Variants in PRSS16 observed in about 807,000 individuals in gnomAD.
The protein encoded by PRSS16 is thymus-specific serine protease.
Under a neutral mutation model 61.7 loss-of-function variants are expected in PRSS16, and 43 were observed. The observed-to-expected ratio is 0.70, with a 90% CI of 0.55 to 0.90. The LOEUF (loss-of-function observed/expected upper bound fraction) is 0.90, where lower values mean the gene tolerates loss of function less well. Among genes scored for constraint, PRSS16 ranks in the 40% least tolerant of loss-of-function variants. The pLI is 0.00. For synonymous variants in PRSS16, 273 were observed against 285.2 expected, an observed-to-expected ratio of 0.96 and a Z score of 0.43; for missense variants, 591 against 659.1, an observed-to-expected ratio of 0.90 and a Z score of 1.13.
chr6:27,249,452 T>A (rs1410337307), intron 4 of PRSS16, among the ~76,000 whole-genome samples: 1 of 152,178 alleles, frequency 6.6e-6, no homozygotes. Context: ...TTCTTTCTAT[T>A]TCTGCGTCTC....
At chr6:27,250,317 A>T (rs1455064794) in intron 4 of PRSS16, among the ~76,000 whole-genome samples, 1 of 152,160 alleles carries the variant, frequency 6.6e-6, no homozygotes, top group Non-Finnish European at 1.5e-5. Flanking sequence ...GCAACTCATC[A>T]GGTTAGGACC....
rs1263660106 is a variant in PRSS16 at position 27,251,627 on chromosome 6, A to G, written c.718-123A>G. 48 of 1,095,584 alleles carry G rather than the reference A, an allele frequency of 4.4e-5. No individual in the cohort carries two copies. The highest frequency in any genetic ancestry group is 5.5e-5 in the Non-Finnish European group (44 of 803,638). The allele number at this position is 1,095,584 out of a possible 1,614,324, so 67.9% of individuals were successfully genotyped here. A position where few individuals can be genotyped will look rare whatever the true frequency, so the allele number is the denominator to read the frequency against. ...GGGGCGGGGGCCTGGGCCAAGAGCT[A>G]GGTCTGCACCCTCTGAGTCCCGCTA... On this transcript the variant is annotated intron_variant, in intron 7 of 11. Coordinates refer to ENST00000230582, the MANE Select transcript of PRSS16 (RefSeq NM_005865.4). This position sits in a 1 kb window ranked among gnomAD's most constrained non-coding sequence, Gnocchi z 5.6.
At chr6:27,254,534 G>C in intron 9 of PRSS16, 159 bp from the exon 10 acceptor site, 1 of 703,460 alleles carries the variant, frequency 1.4e-6, no homozygotes, top group Non-Finnish European at 2.4e-6. Context: ...GGCTATCACT[G>C]TCAGGGGACT....
chr6:27,248,329 C>T (rs1196870831), intron 2 of PRSS16, among the ~76,000 whole-genome samples: 1 of 151,948 alleles, frequency 6.6e-6, no homozygotes, highest in Non-Finnish European at 1.5e-5. Flanking sequence ...CCTCCCTACC[C>T]CCTTGTCCCT....
Position 27,251,393 on chromosome 6 carries a change from A to G in PRSS16, c.717+129A>G. On this transcript the variant is annotated intron_variant, in intron 7 of 11. Coordinates refer to ENST00000230582, the MANE Select transcript of PRSS16 (RefSeq NM_005865.4). This position sits in a 1 kb window ranked among gnomAD's most constrained non-coding sequence, Gnocchi z 5.6. ...TCTAAGGAAGGTCGGAGCTCGGGGG[A>G]ATACGCAGGTTTTGGAAGAAGGCGG... 1 of 1,205,402 alleles carries G rather than the reference A, an allele frequency of 8.3e-7. No homozygotes were observed. Among genetic ancestry groups the G allele is most frequent in the Non-Finnish European group, 1.1e-6 (1 of 885,398 alleles). 74.7% of individuals were successfully genotyped at this position (1,205,402 alleles called of 1,614,324 possible). A position where few individuals can be genotyped will look rare whatever the true frequency, so the allele number is the denominator to read the frequency against.
intron 9 of PRSS16, 50 bp from the exon 10 acceptor site, chr6:27,254,643 G>T (rs770814425): frequency 6.8e-7 from 1 of 1,476,600 alleles, no homozygotes. Flanking sequence ...TATTGAAGGA[G>T]AGTGGTGGGC....
chr6:27,254,775 T>C lies in PRSS16; in HGVS notation c.1233T>C (p.Phe411=). Residue 411 remains phenylalanine, a synonymous_variant, in exon 10 of 12, where the codon TTT becomes TTC. Coordinates refer to ENST00000230582, the MANE Select transcript of PRSS16 (RefSeq NM_005865.4). ...AGCTAGACCTATGTGAGCAGGTGTT[T>C]GGGCTCTCAGCCTTGTCAGTAGCCC... ...PSQLDLCEQV[F]GLSALSVAQA... 6.2e-7 allele frequency: 1 copy of C among 1,614,184 alleles called. No homozygotes were observed. The highest frequency in any genetic ancestry group is 8.5e-7 in the Non-Finnish European group (1 of 1,180,002).
At chr6:27,249,000 G>T in intron 3 of PRSS16, 54 bp downstream of exon 3, 3 of 1,543,406 alleles carry the variant, frequency 1.9e-6, no homozygotes, top group Non-Finnish European at 1.8e-6. Context: ...GACCAGGAAG[G>T]GGAGCTGCAT....
chr6:27,252,967 C>T lies in PRSS16; in HGVS notation c.1150+18C>T. 1 of 1,614,060 alleles carries T rather than the reference C, an allele frequency of 6.2e-7. No homozygotes were observed. Among genetic ancestry groups the T allele is most frequent in the Non-Finnish European group, 8.5e-7 (1 of 1,179,996 alleles). On this transcript the variant is annotated intron_variant, in intron 9 of 11. Coordinates refer to ENST00000230582, the MANE Select transcript of PRSS16 (RefSeq NM_005865.4). The surrounding 1 kb of genome is among the most constrained non-coding windows in gnomAD (Gnocchi z 4.2). Reference sequence around the variant, plus strand: ...CGGCTTCTGTAAGTGACTGGCCTAACCCTAACTTTGTCCCCTCAAACAACC... The same window carrying T: ...CGGCTTCTGTAAGTGACTGGCCTAATCCTAACTTTGTCCCCTCAAACAACC...
Position 27,251,221 on chromosome 6 carries a change from T to A in PRSS16, c.674T>A (p.Val225Glu), listed in dbSNP as rs1434357420. 3 of 1,612,600 alleles carry A rather than the reference T, an allele frequency of 1.9e-6. No homozygotes were observed. The highest frequency in any genetic ancestry group is 2.5e-6 in the Non-Finnish European group (3 of 1,179,166). Residue 225 changes from valine (V) to glutamate (E), a missense_variant, in exon 7 of 12, where the codon GTA becomes GAA. Val to Glu is a moderately radical substitution (Grantham distance 121). Coordinates refer to ENST00000230582, the MANE Select transcript of PRSS16 (RefSeq NM_005865.4). The surrounding 1 kb of genome is among the most constrained non-coding windows in gnomAD (Gnocchi z 5.6). The stretch of plus-strand genomic sequence containing the variant: ...TCCTCTGCGGTCCGCCCACAGGTGG[T>A]ATCCCGAAGCCTAATGAGCACCGCG... The part of the protein sequence containing the change: ...VLDFSEYNDV[V>E]SRSLMSTAIG...
Position 27,251,950 on chromosome 6 carries a change from A to C in PRSS16, c.918A>C (p.Leu306=), listed in dbSNP as rs1400114047. Residue 306 remains leucine (L), a synonymous_variant, in exon 8 of 12, where the codon CTA becomes CTC. Coordinates refer to ENST00000230582, the MANE Select transcript of PRSS16 (RefSeq NM_005865.4). This position sits in a 1 kb window ranked among gnomAD's most constrained non-coding sequence, Gnocchi z 5.6. ...ATGATGGGCAGACGGGAGCGCCGCTAAGCGTGCGACAGCTCTGCGGACTTC... is the reference window on the plus strand; with the variant it reads ...ATGATGGGCAGACGGGAGCGCCGCTCAGCGTGCGACAGCTCTGCGGACTTC... The part of the protein sequence containing the change: ...VQYDGQTGAP[L]SVRQLCGLLL... 1 of 1,609,340 alleles carries C rather than the reference A, an allele frequency of 6.2e-7. No individual in the cohort carries two copies. Among genetic ancestry groups the C allele is most frequent in the Non-Finnish European group, 8.5e-7 (1 of 1,178,590 alleles).
At position 27,250,818 on chromosome 6, in the gene PRSS16, C is replaced by T; in HGVS notation, c.591+12C>T. On this transcript the variant is annotated intron_variant, in intron 5 of 11. Coordinates refer to ENST00000230582, the MANE Select transcript of PRSS16 (RefSeq NM_005865.4). Reference sequence around the variant, plus strand: ...GGGCCCGGCTGAAGGTCCTGCGACTCCTCCGGGTGGGCTGGGGGGAGGGAA... The same window carrying T: ...GGGCCCGGCTGAAGGTCCTGCGACTTCTCCGGGTGGGCTGGGGGGAGGGAA... 6.2e-7 allele frequency: 1 copy of T among 1,601,160 alleles called. No homozygotes were observed. Among genetic ancestry groups the T allele is most frequent in the Non-Finnish European group, 8.5e-7 (1 of 1,174,452 alleles).
In PRSS16 at chr6:27,251,809, G is replaced by C. The variant is rs766157367; in HGVS notation, c.777G>C (p.Gly259=). 14 of 1,610,268 alleles carry C rather than the reference G, an allele frequency of 8.7e-6. No individual in the cohort carries two copies. Among genetic ancestry groups the C allele is most frequent in the Non-Finnish European group, 1.2e-5 (14 of 1,179,336 alleles). ...TGGAGCGGCGGCTGCGCTCGGGTGG[G>C]GCGGCTCAAGCAGCATTGCGGACGG... is the stretch of plus-strand genomic sequence containing the variant. The part of the protein sequence containing the change: ...AEVERRLRSG[G]AAQAALRTEL... The change falls in exon 8 of 12, where the codon GGG becomes GGC. Residue 259 remains glycine (G), a synonymous_variant. Coordinates refer to ENST00000230582, the MANE Select transcript of PRSS16 (RefSeq NM_005865.4). This position sits in a 1 kb window ranked among gnomAD's most constrained non-coding sequence, Gnocchi z 5.6.
In PRSS16 at chr6:27,251,676, G is replaced by A; in HGVS notation, c.718-74G>A. 6.6e-6 allele frequency: 10 copies of A among 1,511,750 alleles called. No homozygotes were observed. Among genetic ancestry groups the A allele is most frequent in the Non-Finnish European group, 7.9e-6 (9 of 1,140,820 alleles). The allele number at this position is 1,511,750 out of a possible 1,614,324, so 93.6% of individuals were successfully genotyped here. On this transcript the variant is annotated intron_variant, in intron 7 of 11. Transcript: ENST00000230582. This position sits in a 1 kb window ranked among gnomAD's most constrained non-coding sequence, Gnocchi z 5.6. ...TAGGGGAAAGTGGGGAACCCAAGGA[G>A]GACGCAGGTCCTGGGTAGGGAAAGC...
chr6:27,251,579 A>G lies in PRSS16; in HGVS notation c.718-171A>G, dbSNP rs1217877591. Reference sequence around the variant, plus strand: ...GACCCGAGAAGGAGGGCTGCGAGGCAGGGGATTGGGGGCGGGGGCCTGGGG... The same window carrying G: ...GACCCGAGAAGGAGGGCTGCGAGGCGGGGGATTGGGGGCGGGGGCCTGGGG... On this transcript the variant is annotated intron_variant, in intron 7 of 11. Transcript: ENST00000230582. The surrounding 1 kb of genome is among the most constrained non-coding windows in gnomAD (Gnocchi z 5.6). 2 of 290,756 alleles carry G rather than the reference A, an allele frequency of 6.9e-6. No homozygotes were observed. The highest frequency in any genetic ancestry group is 9.3e-6 in the Non-Finnish European group (2 of 215,282). The allele number at this position is 290,756 out of a possible 1,614,324, so 18.0% of individuals were successfully genotyped here. A position where few individuals can be genotyped will look rare whatever the true frequency, so the allele number is the denominator to read the frequency against.
chr6:27,250,732 A>C lies in PRSS16; in HGVS notation c.517A>C (p.Ile173Leu). ...ARLALSRLFN[I>L]SSSSPWICFG... The stretch of plus-strand genomic sequence containing the variant: ...CCTGGCACTTTCCCGCCTCTTTAAC[A>C]TCTCCTCCTCCAGCCCCTGGATCTG... The change falls in exon 5 of 12, where the codon ATC (isoleucine) becomes CTC (leucine). Residue 173 changes from isoleucine to leucine, a missense_variant. By Grantham distance (5) the Ile-to-Leu change is conservative (BLOSUM62 2). Transcript: ENST00000230582. 6.2e-7 allele frequency: 1 copy of C among 1,613,666 alleles called. No individual in the cohort carries two copies. The highest frequency in any genetic ancestry group is 8.5e-7 in the Non-Finnish European group (1 of 1,179,912).
intron 5 of PRSS16, 82 bp downstream of exon 5, chr6:27,250,888 C>A: frequency 6.4e-7 from 1 of 1,552,820 alleles, no homozygotes; most frequent in Non-Finnish European, 8.7e-7. Flanking sequence ...AATACCCTCC[C>A]ACCACGCCCC....
rs1761259039 is a variant in PRSS16, at chr6:27,248,001, C to T, written c.190C>T (p.Gln64Ter). The T allele has an allele frequency of 6.2e-7, 1 of 1,613,734 alleles. No individual in the cohort carries two copies. Among genetic ancestry groups the T allele is most frequent in the Non-Finnish European group, 8.5e-7 (1 of 1,179,834 alleles). Residue 64 changes from glutamine to a stop codon, truncating the protein, a stop_gained, in exon 2 of 12, where the codon CAA (glutamine) becomes TAA (stop). Transcript: ENST00000230582. LOFTEE classifies it high-confidence loss of function. The stretch of plus-strand genomic sequence containing the variant: ...CCTCCCAAAAGTGGGGTGGCTGGAG[C>T]AACTGCTGGACCCCTTCAACGTGTC... ...AALPKVGWLE[Q>*]LLDPFNVSDR...
chr6:27,250,977 C>T (rs1391591207), intron 5 of PRSS16, 65 bp from the exon 6 acceptor site: 5 of 1,596,054 alleles, frequency 3.1e-6, no homozygotes, highest in Non-Finnish European at 4.3e-6. Flanking sequence ...GTAAGTGACA[C>T]AGAGGCAGAA....
Sources: gnomAD v4.1 joint callset for allele counts (sites outside exome capture counted in the v4.1 genomes callset) on GRCh38, gnomAD v4.1.1 for gene constraint, Gnocchi (gnomAD v3.1) non-coding constraint, MANE v1.5 for transcripts, NCBI Gene and HGNC (gene_info 2026-07-23, HGNC 2026-07-21) for gene names.